TNK2: variants seen among roughly 807,000 people sequenced by gnomAD.
The protein encoded by TNK2 is activated CDC42 kinase 1.
A neutral mutation model predicts 101.8 loss-of-function variants in TNK2; 83 were observed. That is an observed-to-expected ratio of 0.82 (90% confidence interval 0.68 to 0.98). The LOEUF is 0.98. TNK2 is among the 50% of genes least tolerant of loss of function. The pLI is 0.00. For missense variants in TNK2, 1,665 were observed against 1,483.2 expected (o/e 1.12, Z -2.01); for synonymous variants, 804 against 633.0 (o/e 1.27, Z -4.06).
intron 9 of TNK2, among the ~76,000 whole-genome samples, chr3:195,876,119 C>A (rs1749091054): frequency 6.6e-6 from 1 of 152,330 alleles, no homozygotes; most frequent in East Asian, 1.9e-4. Context: ...ATTCCAACAC[C>A]CGCTCTGTAT....
chr3:195,890,499 G>A (rs1757976492), intron 1 of TNK2, among the ~76,000 whole-genome samples: 2 of 145,354 alleles, frequency 1.4e-5, no homozygotes, highest in Non-Finnish European at 3.0e-5. Flanking sequence ...CTCCCAGGCT[G>A]GAGTACAATG....
Position 195,878,945 on chromosome 3 carries a change from G to T in TNK2, c.1014+104C>A. 1 of 1,533,428 alleles carries T rather than the reference G, an allele frequency of 6.5e-7. No homozygotes were observed. The highest frequency in any genetic ancestry group is 8.8e-7 in the Non-Finnish European group (1 of 1,135,204). The allele number at this position is 1,533,428 out of a possible 1,614,324, so 95.0% of individuals were successfully genotyped here. A position where few individuals can be genotyped will look rare whatever the true frequency, so the allele number is the denominator to read the frequency against. On this transcript the variant is annotated intron_variant, in intron 7 of 15. Transcript: ENST00000672887. This position sits in a 1 kb window ranked among gnomAD's most constrained non-coding sequence, Gnocchi z 4.7. ...GTGGGGGGAGGCACGGGGCGTGGGA[G>T]GAGGGAGTCCATTGGTGAGAGGCAG...
At chr3:195,877,580 C>T (rs1291467305) in intron 9 of TNK2, among the ~76,000 whole-genome samples, 1 of 152,208 alleles carries the variant, frequency 6.6e-6, no homozygotes, top group Non-Finnish European at 1.5e-5. Flanking sequence ...TACCTGAAAC[C>T]TGCCCTGCCC....
At chr3:195,895,299 T>G (rs549914039) in intron 1 of TNK2, 2 of 1,573,540 alleles carry the variant, frequency 1.3e-6, no homozygotes, top group South Asian at 2.3e-5. Context: ...CTCTCCCCCA[T>G]GGAGCCCCAA....
intron 15 of TNK2, among the ~76,000 whole-genome samples, chr3:195,865,596 C>T (rs955861523): frequency 2.2e-5 from 3 of 135,346 alleles, no homozygotes; most frequent in Non-Finnish European, 3.1e-5. Context: ...CAGGTGACAG[C>T]GAATGCCTGC....
At chr3:195,895,930 C>G (rs1032629849) in intron 1 of TNK2, 3 of 163,222 alleles carry the variant, frequency 1.8e-5, no homozygotes, top group African/African-American at 7.2e-5. Flanking sequence ...CAGCCGGCTC[C>G]GCGCCGCCTC....
intron 1 of TNK2, among the ~76,000 whole-genome samples, chr3:195,890,650 G>C (rs557791880): frequency 5.9e-5 from 9 of 152,196 alleles, no homozygotes; most frequent in Non-Finnish European, 1.2e-4. Context: ...TGTTGGCCAG[G>C]CTGGTCTCGA....
At position 195,884,848 on chromosome 3, in the gene TNK2, C is replaced by T. The variant is rs761457886; in HGVS notation, c.420G>A (p.Val140=). ...EKLGDGSFGV[V]RRGEWDAPSG... ...AGGGCGCGTCCCACTCGCCCCTGCGCACCACGCCAAAGGAACCATCACCCA... is the reference window on the plus strand; with the variant it reads ...AGGGCGCGTCCCACTCGCCCCTGCGTACCACGCCAAAGGAACCATCACCCA... The change falls in exon 4 of 16, where the codon GTG becomes GTA. Residue 140 remains valine, a synonymous_variant. Coordinates refer to ENST00000672887, the MANE Select transcript of TNK2 (RefSeq NM_001382273.1). 2 of 1,613,144 alleles carry T rather than the reference C, an allele frequency of 1.2e-6. No homozygotes were observed. Among genetic ancestry groups the T allele is most frequent in the South Asian group, 2.2e-5 (2 of 91,006 alleles).
At chr3:195,864,284 G>T in intron 15 of TNK2, 97 bp from the exon 16 acceptor site, 1 of 1,383,704 alleles carries the variant, frequency 7.2e-7, no homozygotes, top group Non-Finnish European at 1.0e-6. Context: ...AACACCACTG[G>T]AAGCTGGCAG....
intron 1 of TNK2, among the ~76,000 whole-genome samples, chr3:195,907,878 G>T (rs1399731925): frequency 1.3e-5 from 2 of 152,176 alleles, no homozygotes; most frequent in Admixed American, 6.5e-5. Context: ...GAGACGAGAG[G>T]GCTCACCAGT....
chr3:195,899,406 A>C (rs1760978316), intron 1 of TNK2, among the ~76,000 whole-genome samples: 1 of 151,820 alleles, frequency 6.6e-6, no homozygotes, highest in South Asian at 2.1e-4. Context: ...GGCTGACTGC[A>C]ACCTCTGCCT....
At chr3:195,872,608 C>T in intron 9 of TNK2, 138 bp from the exon 10 acceptor site, 1 of 898,866 alleles carries the variant, frequency 1.1e-6, no homozygotes, top group Non-Finnish European at 1.6e-6. Context: ...GCCACCGGCC[C>T]TCCTCCCCAA....
rs753386713 is a variant in TNK2, at chr3:195,868,568, C to T, written c.1730G>A (p.Arg577Gln). ...SARVPGTKASRGSGAEVTLID... is the reference protein window; with the variant it reads ...SARVPGTKASQGSGAEVTLID... Reference sequence around the variant, plus strand: ...GAGCGTGACCTCAGCCCCGCTGCCTCGGCTGGCCTTGGTGCCCGGCACCCG... The same window carrying T: ...GAGCGTGACCTCAGCCCCGCTGCCTTGGCTGGCCTTGGTGCCCGGCACCCG... The change falls in exon 13 of 16, where the codon CGA (arginine) becomes CAA (glutamine). Residue 577 changes from arginine (R) to glutamine (Q), a missense_variant. Transcript: ENST00000672887. 4.8e-5 allele frequency: 75 copies of T among 1,573,512 alleles called. 1 individual carries two copies. The highest frequency in any genetic ancestry group is 1.0e-4 in the South Asian group (9 of 88,640).
Position 195,879,191 on chromosome 3 carries a change from G to A in TNK2, c.888-16C>T, listed in dbSNP as rs764291135. 5 of 1,612,386 alleles carry A rather than the reference G, an allele frequency of 3.1e-6. No individual in the cohort carries two copies. Among genetic ancestry groups the A allele is most frequent in the African/African-American group, 2.7e-5 (2 of 74,904 alleles). ...GGGGGCACACCTGGCAGAGGCAGGGGTCAAAGAGAAGCCCTCTCAAACACC... is the reference window on the plus strand; with the variant it reads ...GGGGGCACACCTGGCAGAGGCAGGGATCAAAGAGAAGCCCTCTCAAACACC... On this transcript the variant is annotated splice_polypyrimidine_tract_variant and intron_variant, in intron 6 of 15. Coordinates refer to ENST00000672887, the MANE Select transcript of TNK2 (RefSeq NM_001382273.1).
intron 1 of TNK2, among the ~76,000 whole-genome samples, chr3:195,893,402 G>T (rs1389668316): frequency 2.6e-5 from 4 of 151,832 alleles, no homozygotes; most frequent in Non-Finnish European, 4.4e-5. Context: ...CTCCTACTCA[G>T]ACCAGGTGGC....
At position 195,867,610 on chromosome 3, in the gene TNK2, G is replaced by A; in HGVS notation, c.2688C>T (p.Ser896=). 1.3e-6 allele frequency: 2 copies of A among 1,597,422 alleles called. No homozygotes were observed. The highest frequency in any genetic ancestry group is 1.1e-5 in the South Asian group (1 of 90,822). The change falls in exon 13 of 16, where the codon AGC becomes AGT. Residue 896 remains serine (S), a synonymous_variant. Coordinates refer to ENST00000672887, the MANE Select transcript of TNK2 (RefSeq NM_001382273.1). ...CAGGCAGGGGGGTAGGCTCCTCGGGGCTCTGGGCCTCACGCAGGAAGCGCT... is the reference window on the plus strand; with the variant it reads ...CAGGCAGGGGGGTAGGCTCCTCGGGACTCTGGGCCTCACGCAGGAAGCGCT... The part of the protein sequence containing the change: ...RYQRFLREAQ[S]PEEPTPLPVP...
At chr3:195,894,569 T>TTC (rs1553916731) in intron 1 of TNK2, 4 of 151,624 alleles carry the variant, frequency 2.6e-5, no homozygotes, top group African/African-American at 9.7e-5. Context: ...TTTTTTTTTT[T>TTC]CCGCCATGTT....
intron 1 of TNK2, among the ~76,000 whole-genome samples, chr3:195,899,211 T>G (rs1330279867): frequency 6.6e-6 from 1 of 152,256 alleles, no homozygotes; most frequent in Non-Finnish European, 1.5e-5. Context: ...TCAAATGCCA[T>G]CTCTTCTGTA....
intron 9 of TNK2, among the ~76,000 whole-genome samples, chr3:195,874,526 CA>C: frequency 6.7e-6 from 1 of 148,866 alleles, no homozygotes; most frequent in Admixed American, 6.7e-5. Flanking sequence ...CTCCGAGGCA[CA>C]AGAAACTCCC....
Sources: gnomAD v4.1 joint callset for allele counts (sites outside exome capture counted in the v4.1 genomes callset) on GRCh38, gnomAD v4.1.1 for gene constraint, Gnocchi (gnomAD v3.1) non-coding constraint, MANE v1.5 for transcripts, NCBI Gene and HGNC (gene_info 2026-07-23, HGNC 2026-07-21) for gene names.